The following GSN variants were observed in gnomAD, a reference collection of about 807,000 sequenced individuals.
GSN encodes the protein gelsolin.
GSN carries 56 observed loss-of-function variants against 85.7 expected under a neutral mutation model. That is an observed-to-expected ratio of 0.65 (90% confidence interval 0.53 to 0.82). The LOEUF (loss-of-function observed/expected upper bound fraction) is 0.82. Among genes scored for constraint, GSN ranks in the 40% least tolerant of loss-of-function variants. The probability of loss-of-function intolerance (pLI) is 0.00; values close to 1 mark genes in which losing one functional copy is unlikely to be tolerated. For missense variants in GSN, 857 were observed against 979.8 expected (o/e 0.87, Z 1.67); for synonymous variants, 373 against 399.1 (o/e 0.93, Z 0.78).
chr9:121,320,791 C>T (rs973217333), intron 10 of GSN, among the ~76,000 whole-genome samples: 1 of 152,202 alleles, frequency 6.6e-6, no homozygotes, highest in African/African-American at 2.4e-5. Flanking sequence ...TTGTGCCGGG[C>T]CCTGTGCTAG....
intron 5 of GSN, among the ~76,000 whole-genome samples, chr9:121,244,258 C>G (rs565129486): frequency 7.2e-5 from 11 of 152,238 alleles, no homozygotes; most frequent in African/African-American, 2.6e-4. Context: ...ACTTGAATTG[C>G]TTCTAGTTTT....
chr9:121,332,572 T>C lies in GSN; in HGVS notation c.2165T>C (p.Leu722Ser), dbSNP rs1216456531. 4.3e-6 allele frequency: 7 copies of C among 1,613,968 alleles called. No homozygotes were observed. In the Admixed American group the frequency reaches 1.0e-4, roughly 23 times the overall value. The change falls in exon 18 of 18, where the codon TTG becomes TCG. Residue 722 changes from leucine to serine, a missense_variant. Physicochemically the swap from Leu to Ser is moderately radical, Grantham distance 145. Transcript: ENST00000432226. This position sits in a 1 kb window ranked among gnomAD's most constrained non-coding sequence, Gnocchi z 4.8. The stretch of plus-strand genomic sequence containing the variant: ...GATGATTACTGGTCTGTGGACCCCT[T>C]GGACAGGGCCATGGCTGAGCTGGCT... ...WDDDYWSVDP[L>S]DRAMAELAA is the part of the protein sequence containing the mutation.
intron 10 of GSN, 48 bp from the exon 11 acceptor site, chr9:121,321,220 G>C (rs768583319): frequency 6.8e-6 from 11 of 1,608,646 alleles, no homozygotes; most frequent in African/African-American, 1.3e-5. Context: ...GCCTGAGCTG[G>C]GGGGTGGGGG....
rs2061037409 is a variant in GSN at position 121,310,850 on chromosome 9, G to C, written c.513+5G>C. On this transcript the variant is annotated splice_donor_5th_base_variant and intron_variant, in intron 5 of 17. Transcript: ENST00000432226. ...TTCATCCTGGACCTGGGCAACGTGA[G>C]TCCTGCTTTCCTCTTTCCCAGGAGC... 6.2e-7 allele frequency: 1 copy of C among 1,613,682 alleles called. No individual in the cohort carries two copies. Among genetic ancestry groups the C allele is most frequent in the Admixed American group, 1.7e-5 (1 of 59,994 alleles).
Position 121,318,325 on chromosome 9 carries a change from C to A in GSN, c.887-81C>A. 1 of 1,155,790 alleles carries A rather than the reference C, an allele frequency of 8.7e-7. No individual in the cohort carries two copies. Among genetic ancestry groups the A allele is most frequent in the Non-Finnish European group, 1.3e-6 (1 of 762,262 alleles). The allele number at this position is 1,155,790 out of a possible 1,614,324, so 71.6% of individuals were successfully genotyped here. On this transcript the variant is annotated intron_variant, in intron 8 of 17. Transcript: ENST00000432226. The surrounding 1 kb of genome is among the most constrained non-coding windows in gnomAD (Gnocchi z 4.3). ...AGTAGGGAGGGAAGTTTGGCAGCTC[C>A]TTCTCCTGGACTGTTAAAGGTCAGG...
chr9:121,325,126 C>T (rs1173167965), intron 12 of GSN, among the ~76,000 whole-genome samples: 1 of 152,204 alleles, frequency 6.6e-6, no homozygotes, highest in Non-Finnish European at 1.5e-5. Context: ...ATAACAGTAC[C>T]ATCCCACAAG....
At chr9:121,307,068 C>T (rs1043837111) in intron 4 of GSN, among the ~76,000 whole-genome samples, 2 of 152,030 alleles carry the variant, frequency 1.3e-5, no homozygotes, top group Non-Finnish European at 2.9e-5. Context: ...GTAATCTCAG[C>T]GACTCAGGAG....
chr9:121,221,647 G>A (rs997250383), intron 4 of GSN, among the ~76,000 whole-genome samples: 7 of 152,142 alleles, frequency 4.6e-5, no homozygotes, highest in Admixed American at 6.6e-5. Context: ...GCCCTCTGCC[G>A]GTTCCCTCCC....
intron 6 of GSN, among the ~76,000 whole-genome samples, chr9:121,260,634 TG>T (rs2055062879): frequency 6.6e-6 from 1 of 152,194 alleles, no homozygotes; most frequent in Non-Finnish European, 1.5e-5. Flanking sequence ...GGAGTTACTT[TG>T]TTCTATTGTC....
At chr9:121,228,332 T>C (rs183658154) in intron 4 of GSN, among the ~76,000 whole-genome samples, 11 of 150,080 alleles carry the variant, frequency 7.3e-5, no homozygotes, top group African/African-American at 2.5e-4. Flanking sequence ...ACCCCCCAGT[T>C]CTATGTTTTG....
chr9:121,274,901 A>T (rs1264603377), intron 1 of GSN, among the ~76,000 whole-genome samples: 6 of 152,092 alleles, frequency 3.9e-5, no homozygotes, highest in Non-Finnish European at 5.9e-5. Context: ...TTTACAAGGA[A>T]GTGCACAGGT....
intron 2 of GSN, among the ~76,000 whole-genome samples, chr9:121,291,597 T>G (rs1431702678): frequency 1.3e-5 from 2 of 151,946 alleles, no homozygotes; most frequent in Admixed American, 1.3e-4. Context: ...TTTTTGTATT[T>G]TTAGTAGAGA....
At chr9:121,206,378 C>T (rs762227852), upstream of GSN, among the ~76,000 whole-genome samples, 2 of 152,060 alleles carry the variant, frequency 1.3e-5, no homozygotes, top group Non-Finnish European at 2.9e-5. Flanking sequence ...GCATGAGACT[C>T]ATTCGTCTCT....
At chr9:121,328,125 C>G (rs1469136861) in intron 14 of GSN, among the ~76,000 whole-genome samples, 2 of 152,220 alleles carry the variant, frequency 1.3e-5, no homozygotes, top group Non-Finnish European at 2.9e-5. Context: ...CATCTCTAGA[C>G]TCTCCATGGA....
intron 6 of GSN, among the ~76,000 whole-genome samples, chr9:121,250,227 T>G (rs1177917768): frequency 6.9e-6 from 1 of 145,348 alleles, no homozygotes; most frequent in Non-Finnish European, 1.5e-5. Flanking sequence ...TTTTTTGAGA[T>G]GGAGTCTCAC....
At chr9:121,233,880 G>A (rs529239588) in intron 5 of GSN, among the ~76,000 whole-genome samples, 4 of 152,174 alleles carry the variant, frequency 2.6e-5, no homozygotes, top group Admixed American at 6.5e-5. Flanking sequence ...CAATTGTTTC[G>A]ATTGGAATTC....
chr9:121,277,309 T>C (rs985589482), intron 1 of GSN, among the ~76,000 whole-genome samples: 2 of 152,232 alleles, frequency 1.3e-5, no homozygotes, highest in Non-Finnish European at 2.9e-5. Flanking sequence ...AAAAAAGATG[T>C]TCTAGAGCAT....
At chr9:121,258,153 C>T in intron 6 of GSN, among the ~76,000 whole-genome samples, 1 of 152,186 alleles carries the variant, frequency 6.6e-6, no homozygotes, top group Admixed American at 6.5e-5. Flanking sequence ...GTGCTATGCT[C>T]TGATTTCAGG....
At chr9:121,307,444 G>A (rs1006417395) in intron 4 of GSN, among the ~76,000 whole-genome samples, 2 of 152,094 alleles carry the variant, frequency 1.3e-5, no homozygotes, top group South Asian at 2.1e-4. Context: ...CTCTCATTAT[G>A]TCCAGGTGAA....
Sources: gnomAD v4.1 joint callset for allele counts (sites outside exome capture counted in the v4.1 genomes callset) on GRCh38, gnomAD v4.1.1 for gene constraint, Gnocchi (gnomAD v3.1) non-coding constraint, MANE v1.5 for transcripts, NCBI Gene and HGNC (gene_info 2026-07-23, HGNC 2026-07-21) for gene names.